Variants in SLC25A21 observed in about 807,000 individuals in gnomAD.
SLC25A21 encodes solute carrier family 25 member 21.
Under a neutral mutation model 43.8 loss-of-function variants are expected in SLC25A21, and 47 were observed. The ratio of observed to expected loss-of-function variants is 1.07; its 90% CI spans 0.85 to 1.37. The LOEUF (loss-of-function observed/expected upper bound fraction) is 1.37, where lower values mean the gene tolerates loss of function less well. Among genes scored for constraint, SLC25A21 ranks in the 40% most tolerant of loss-of-function variants. The probability of loss-of-function intolerance (pLI) is 0.00; values close to 1 mark genes in which losing one functional copy is unlikely to be tolerated. For synonymous variants in SLC25A21, 131 were observed against 121.3 expected (o/e 1.08, Z -0.52); for missense variants, 352 against 350.2 (o/e 1.00, Z -0.04).
Position 36,729,502 on chromosome 14 carries a change from C to T in SLC25A21, c.330+5G>A. Reference sequence around the variant, plus strand: ...CATTTAAGTATAATAAATACTCTCACTTACCAATGCTGGTGACAGTGACAC... The same window carrying T: ...CATTTAAGTATAATAAATACTCTCATTTACCAATGCTGGTGACAGTGACAC... On this transcript the variant is annotated splice_donor_5th_base_variant and intron_variant, in intron 5 of 9. Transcript: ENST00000331299. 1 of 1,598,216 alleles carries T rather than the reference C, an allele frequency of 6.3e-7. No homozygotes were observed. The highest frequency in any genetic ancestry group is 8.5e-7 in the Non-Finnish European group (1 of 1,172,274).
At chr14:36,995,668 C>T (rs1960356411) in intron 1 of SLC25A21, among the ~76,000 whole-genome samples, 2 of 152,164 alleles carry the variant, frequency 1.3e-5, no homozygotes, top group Admixed American at 1.3e-4. Flanking sequence ...GCTTGTAAAA[C>T]TTATAACCCT....
chr14:36,985,215 T>C (rs1458478766), intron 1 of SLC25A21, among the ~76,000 whole-genome samples: 2 of 149,852 alleles, frequency 1.3e-5, no homozygotes, highest in African/African-American at 4.9e-5. Flanking sequence ...TTGGGAGATA[T>C]ACCTAATGCT....
intron 1 of SLC25A21, among the ~76,000 whole-genome samples, chr14:37,084,170 C>G (rs986430886): frequency 1.3e-5 from 2 of 152,160 alleles, no homozygotes; most frequent in Non-Finnish European, 2.9e-5. Context: ...TCCCTCCCCC[C>G]ACCTTATGTC....
chr14:37,078,857 C>G (rs530215048), intron 1 of SLC25A21, among the ~76,000 whole-genome samples: 24 of 136,582 alleles, frequency 1.8e-4, no homozygotes, highest in Admixed American at 1.7e-3. Flanking sequence ...TTTTTTTTCT[C>G]TTTGCATGTT....
At chr14:37,058,560 G>A (rs557822552) in intron 1 of SLC25A21, among the ~76,000 whole-genome samples, 2 of 152,210 alleles carry the variant, frequency 1.3e-5, no homozygotes, top group Non-Finnish European at 2.9e-5. Context: ...GATTGGACAA[G>A]ATGATGTCTA....
chr14:37,152,484 A>G (rs1241942064), intron 1 of SLC25A21, among the ~76,000 whole-genome samples: 1 of 151,342 alleles, frequency 6.6e-6, no homozygotes, highest in African/African-American at 2.4e-5. Context: ...GGTTCAAGCA[A>G]TTCTCCTGCT....
chr14:37,040,440 A>AAAGAAAGAAAGAAAG (rs68013942), intron 1 of SLC25A21, among the ~76,000 whole-genome samples: 27 of 48,696 alleles, frequency 5.5e-4, no homozygotes, highest in African/African-American at 3.6e-3. Context: ...AGAAAGAAAG[A>AAAGAAAGAAAGAAAG]AAAGAAAAAT....
intron 1 of SLC25A21, among the ~76,000 whole-genome samples, chr14:37,083,596 C>T (rs74045477): frequency 0.044 from 6,745 of 152,152 alleles, 497 homozygotes; most frequent in African/African-American, 0.15. Context: ...TCAATAACCA[C>T]GAAAGCTGAA....
At chr14:36,858,481 T>C (rs1889968786) in intron 2 of SLC25A21, among the ~76,000 whole-genome samples, 1 of 152,212 alleles carries the variant, frequency 6.6e-6, no homozygotes. Context: ...TCTTAGTTCC[T>C]AACTTTTCTG....
chr14:37,127,342 C>G (rs986990977), intron 1 of SLC25A21, among the ~76,000 whole-genome samples: 1 of 152,222 alleles, frequency 6.6e-6, no homozygotes, highest in African/African-American at 2.4e-5. Flanking sequence ...AATTTCCACT[C>G]ATCAGCTGCC....
intron 1 of SLC25A21, among the ~76,000 whole-genome samples, chr14:36,885,055 T>C (rs1566708545): frequency 6.6e-6 from 1 of 152,152 alleles, no homozygotes; most frequent in Non-Finnish European, 1.5e-5. Flanking sequence ...CCCAGACAGA[T>C]GTCATGTCTA....
chr14:36,795,293 C>T (rs962013074), intron 3 of SLC25A21, among the ~76,000 whole-genome samples: 2 of 152,158 alleles, frequency 1.3e-5, no homozygotes, highest in Non-Finnish European at 2.9e-5. Context: ...CTCCTTTGGT[C>T]AATTTCAAGT....
intron 7 of SLC25A21, among the ~76,000 whole-genome samples, chr14:36,685,624 GAGAA>G (rs1328089043): frequency 2.6e-5 from 4 of 152,178 alleles, no homozygotes; most frequent in Admixed American, 2.6e-4. Context: ...GGAAGAAAAG[GAGAA>G]AGAGAGAGCG....
intron 1 of SLC25A21, among the ~76,000 whole-genome samples, chr14:37,096,250 G>C (rs1962691802): frequency 6.6e-6 from 1 of 152,160 alleles, no homozygotes; most frequent in Admixed American, 6.5e-5. Flanking sequence ...TTTTATTGAA[G>C]TTGATAACAG....
intron 1 of SLC25A21, among the ~76,000 whole-genome samples, chr14:37,169,993 A>C (rs946965742): frequency 2.6e-5 from 4 of 152,120 alleles, no homozygotes; most frequent in African/African-American, 9.7e-5. Flanking sequence ...ATTTATGCCA[A>C]ATACTTATCA....
At chr14:36,754,689 GAT>G (rs1405693936) in intron 3 of SLC25A21, among the ~76,000 whole-genome samples, 2 of 151,244 alleles carry the variant, frequency 1.3e-5, no homozygotes, top group African/African-American at 4.9e-5. Flanking sequence ...TTTCCAGAAT[GAT>G]ATAAATTGAT....
chr14:37,112,754 C>G (rs1963041294), intron 1 of SLC25A21, among the ~76,000 whole-genome samples: 4 of 152,184 alleles, frequency 2.6e-5, no homozygotes, highest in South Asian at 4.1e-4. Flanking sequence ...GGTAATCCAC[C>G]TTTACTATTA....
chr14:37,045,894 T>C (rs539503234), intron 1 of SLC25A21, among the ~76,000 whole-genome samples: 1 of 152,338 alleles, frequency 6.6e-6, no homozygotes, highest in African/African-American at 2.4e-5. Context: ...GGGAATATGC[T>C]AAGCATGGTT....
intron 1 of SLC25A21, among the ~76,000 whole-genome samples, chr14:37,049,624 T>C (rs910048981): frequency 2.6e-5 from 4 of 152,090 alleles, no homozygotes; most frequent in African/African-American, 9.7e-5. Flanking sequence ...TATTAAAAGG[T>C]ACACACTTCA....
Sources: gnomAD v4.1 joint callset for allele counts (sites outside exome capture counted in the v4.1 genomes callset) on GRCh38, gnomAD v4.1.1 for gene constraint, MANE v1.5 for transcripts, NCBI Gene and HGNC (gene_info 2026-07-23, HGNC 2026-07-21) for gene names.